The following WDPCP variants were observed in gnomAD, a reference collection of about 807,000 sequenced individuals.
WDPCP encodes the protein WD repeat-containing and planar cell polarity effector protein fritz homolog.
WDPCP carries 71 observed loss-of-function variants against 93.1 expected under a neutral mutation model. That is an observed-to-expected ratio of 0.76 (90% confidence interval 0.63 to 0.93). WDPCP has a LOEUF of 0.93. Ranked by LOEUF, WDPCP falls within the 40% of genes least tolerant of loss-of-function variation. The probability of loss-of-function intolerance (pLI) is 0.00; values close to 1 mark genes in which losing one functional copy is unlikely to be tolerated. For missense variants in WDPCP, 844 were observed against 887.4 expected, an observed-to-expected ratio of 0.95 and a Z score of 0.62; for synonymous variants, 315 against 315.0, an observed-to-expected ratio of 1.00 and a Z score of 0.00.
At chr2:63,604,108 CAT>C (rs1479355748) in intron 3 of WDPCP, among the ~76,000 whole-genome samples, 1 of 152,214 alleles carries the variant, frequency 6.6e-6, no homozygotes, top group Non-Finnish European at 1.5e-5. Context: ...CACACACACA[CAT>C]ACACATATAT....
At chr2:63,563,255 C>A (rs1411467395) in intron 1 of WDPCP, among the ~76,000 whole-genome samples, 3 of 151,980 alleles carry the variant, frequency 2.0e-5, no homozygotes, top group Non-Finnish European at 4.4e-5. Context: ...ATCTCTTCTA[C>A]TACTAATTCA....
intron 10 of WDPCP, among the ~76,000 whole-genome samples, chr2:63,397,807 G>A (rs1693852010): frequency 6.6e-6 from 1 of 152,170 alleles, no homozygotes; most frequent in African/African-American, 2.4e-5. Flanking sequence ...TCTGAGGAGT[G>A]AGAAGTGAAG....
intron 14 of WDPCP, among the ~76,000 whole-genome samples, chr2:63,187,732 A>G (rs1674742686): frequency 6.6e-6 from 1 of 152,208 alleles, no homozygotes; most frequent in South Asian, 2.1e-4. Context: ...ATATACAAGA[A>G]TTAAAAGTGG....
chr2:63,546,923 A>G (rs1172546603), intron 1 of WDPCP, among the ~76,000 whole-genome samples: 1 of 152,052 alleles, frequency 6.6e-6, no homozygotes, highest in Non-Finnish European at 1.5e-5. Context: ...TTTTTAAAAA[A>G]AAGACAAAAG....
intron 1 of WDPCP, among the ~76,000 whole-genome samples, chr2:63,563,285 T>G (rs975874242): frequency 1.3e-5 from 2 of 151,852 alleles, no homozygotes; most frequent in Admixed American, 6.6e-5. Context: ...AAAAGTGTCA[T>G]CCAGAAAATG....
At chr2:63,563,972 TA>T (rs1382509741) in intron 1 of WDPCP, among the ~76,000 whole-genome samples, 1 of 152,212 alleles carries the variant, frequency 6.6e-6, no homozygotes, top group Non-Finnish European at 1.5e-5. Context: ...TAAAAACTAT[TA>T]AATTGTACAC....
Position 63,404,069 on chromosome 2 carries a change from C to A in WDPCP, c.1414G>T (p.Gly472Cys). Residue 472 changes from glycine to cysteine, a missense_variant, in exon 10 of 18, where the codon GGT becomes TGT. Gly to Cys is a radical substitution (Grantham distance 159, BLOSUM62 -3). Coordinates refer to ENST00000272321, the MANE Select transcript of WDPCP (RefSeq NM_015910.7). ...LFLRFERGPL[G>C]VLLFKLGVFT... ...TTACCTAGTTTAAACAACAGCACAC[C>A]CAAAGGTCCTCTTTCAAACCTGAGG... 1 of 1,613,990 alleles carries A rather than the reference C, an allele frequency of 6.2e-7. No homozygotes were observed. Among genetic ancestry groups the A allele is most frequent in the Non-Finnish European group, 8.5e-7 (1 of 1,179,960 alleles).
intron 12 of WDPCP, among the ~76,000 whole-genome samples, chr2:63,368,004 T>A (rs1691052432): frequency 6.6e-6 from 1 of 152,200 alleles, no homozygotes; most frequent in African/African-American, 2.4e-5. Flanking sequence ...ACCTCAGATT[T>A]AGACAGATGA....
chr2:63,678,258 G>A (rs1280133041), intron 2 of WDPCP, among the ~76,000 whole-genome samples: 1 of 152,140 alleles, frequency 6.6e-6, no homozygotes, highest in African/African-American at 2.4e-5. Flanking sequence ...CTCATCCTAG[G>A]CAGGAAGAAA....
chr2:63,224,355 C>T (rs1678093116), intron 14 of WDPCP, among the ~76,000 whole-genome samples: 1 of 151,958 alleles, frequency 6.6e-6, no homozygotes, highest in Admixed American at 6.6e-5. Context: ...ACTAAACATA[C>T]TCATACTGTA....
At chr2:63,191,570 C>T (rs1388312055) in intron 14 of WDPCP, among the ~76,000 whole-genome samples, 1 of 152,124 alleles carries the variant, frequency 6.6e-6, no homozygotes, top group African/African-American at 2.4e-5. Flanking sequence ...GCCACAGTCT[C>T]CTTAATCAGA....
At chr2:63,302,360 A>G (rs1405489910) in intron 13 of WDPCP, among the ~76,000 whole-genome samples, 1 of 152,220 alleles carries the variant, frequency 6.6e-6, no homozygotes, top group Non-Finnish European at 1.5e-5. Flanking sequence ...GAAATACAGC[A>G]AATACCATTC....
chr2:63,509,715 T>A (rs1307273938), intron 1 of WDPCP, among the ~76,000 whole-genome samples: 1 of 150,244 alleles, frequency 6.7e-6, no homozygotes, highest in African/African-American at 2.5e-5. Flanking sequence ...GAGAGAAGAA[T>A]CAAATAGACA....
At chr2:63,190,990 C>T (rs923513588) in intron 14 of WDPCP, among the ~76,000 whole-genome samples, 1 of 152,192 alleles carries the variant, frequency 6.6e-6, no homozygotes, top group Non-Finnish European at 1.5e-5. Flanking sequence ...GCTTTGTCTT[C>T]CTAGAACACA....
chr2:63,335,416 A>G (rs1003548824), intron 12 of WDPCP, among the ~76,000 whole-genome samples: 1 of 130,816 alleles, frequency 7.6e-6, no homozygotes, highest in Non-Finnish European at 1.5e-5. Flanking sequence ...TATTGTAAAT[A>G]GAATGAAAGA....
At chr2:63,549,247 CAAAAA>C (rs60864094) in intron 1 of WDPCP, among the ~76,000 whole-genome samples, 2 of 87,666 alleles carry the variant, frequency 2.3e-5, no homozygotes, top group East Asian at 3.4e-4. Flanking sequence ...GAGACTGTCT[CAAAAA>C]AAAAAAAAAA....
chr2:63,784,629 T>C (rs969678287), intron 2 of WDPCP, among the ~76,000 whole-genome samples: 1 of 151,792 alleles, frequency 6.6e-6, no homozygotes, highest in African/African-American at 2.4e-5. Context: ...AGGGAAATTC[T>C]GACAAAGATC....
At chr2:63,512,577 T>C (rs1434816123) in intron 1 of WDPCP, among the ~76,000 whole-genome samples, 3 of 152,054 alleles carry the variant, frequency 2.0e-5, no homozygotes, top group Admixed American at 6.6e-5. Context: ...AACTAATGAG[T>C]TTATGTCCTT....
rs753143724 is a variant in WDPCP at position 63,484,914 on chromosome 2, T to C, written c.324+3A>G. Reference sequence around the variant, plus strand: ...GCCATTTTTGAAACTTTTTGAAAGATACCTCCAACTCTTTGAGCGAGTCTC... The same window carrying C: ...GCCATTTTTGAAACTTTTTGAAAGACACCTCCAACTCTTTGAGCGAGTCTC... On this transcript the variant is annotated splice_donor_region_variant and intron_variant, in intron 5 of 17. Coordinates refer to ENST00000272321, the MANE Select transcript of WDPCP (RefSeq NM_015910.7). The C allele has an allele frequency of 2.5e-6, 4 of 1,612,270 alleles. No individual in the cohort carries two copies. Among genetic ancestry groups the C allele is most frequent in the Admixed American group, 3.3e-5 (2 of 59,754 alleles).
Sources: allele counts gnomAD v4.1 joint callset (sites outside exome capture counted in the v4.1 genomes callset), GRCh38; gene constraint gnomAD v4.1.1; transcripts MANE v1.5; gene names NCBI Gene and HGNC (gene_info 2026-07-23, HGNC 2026-07-21).